The following CERK variants were observed in gnomAD, a reference collection of about 807,000 sequenced individuals.
CERK encodes ceramide kinase.
A neutral mutation model predicts 63.4 loss-of-function variants in CERK; 39 were observed. The ratio of observed to expected loss-of-function variants is 0.61; its 90% CI spans 0.48 to 0.80. CERK has a LOEUF of 0.80. Among genes scored for constraint, CERK ranks in the 30% least tolerant of loss-of-function variants. CERK has a pLI of 0.00. For missense variants in CERK, 670 were observed against 714.1 expected (o/e 0.94, Z 0.70); for synonymous variants, 302 against 280.0 (o/e 1.08, Z -0.78).
At chr22:46,698,244 G>C (rs892041108) in intron 8 of CERK, among the ~76,000 whole-genome samples, 13 of 152,256 alleles carry the variant, frequency 8.5e-5, no homozygotes, top group Non-Finnish European at 1.3e-4. Context: ...GAGAATGAAA[G>C]CTTTTGGGCT....
intron 6 of CERK, 118 bp downstream of exon 6, chr22:46,707,725 T>G (rs2082819967): frequency 8.5e-7 from 1 of 1,174,904 alleles, no homozygotes; most frequent in Non-Finnish European, 1.2e-6. Flanking sequence ...TGTTAGGAAA[T>G]CTGTACGAAC....
chr22:46,699,180 G>T, intron 8 of CERK, 133 bp downstream of exon 8: 1 of 905,904 alleles, frequency 1.1e-6, no homozygotes, highest in Non-Finnish European at 1.8e-6. Flanking sequence ...CATTTCATGA[G>T]GCCCTTAGCT....
intron 8 of CERK, among the ~76,000 whole-genome samples, chr22:46,698,300 G>T (rs1208670798): frequency 1.3e-5 from 2 of 152,254 alleles, no homozygotes; most frequent in Non-Finnish European, 2.9e-5. Flanking sequence ...CCTCCTCTGT[G>T]CCCACTGCGG....
At chr22:46,715,803 T>C (rs1002851217) in intron 3 of CERK, among the ~76,000 whole-genome samples, 2 of 152,112 alleles carry the variant, frequency 1.3e-5, no homozygotes, top group Non-Finnish European at 2.9e-5. Context: ...CGGAAAACAA[T>C]AGAGCTTGGA....
intron 7 of CERK, among the ~76,000 whole-genome samples, chr22:46,701,396 G>A (rs148838161): frequency 3.9e-4 from 59 of 152,402 alleles, no homozygotes; most frequent in African/African-American, 1.2e-3. Flanking sequence ...GGTGGATTCC[G>A]TGGGAAAGAA....
At chr22:46,725,587 G>A (rs549921575) in intron 1 of CERK, among the ~76,000 whole-genome samples, 35 of 152,352 alleles carry the variant, frequency 2.3e-4, no homozygotes, top group Middle Eastern at 3.4e-3. Context: ...GCGGAAGGTG[G>A]GAATTGGGGG....
chr22:46,693,751 G>A, intron 9 of CERK: 1 of 438,066 alleles, frequency 2.3e-6, no homozygotes, highest in South Asian at 2.2e-5. Context: ...AGGACGCTGA[G>A]GTGCCACCTG....
At chr22:46,694,240 G>A (rs2082745224) in intron 9 of CERK, among the ~76,000 whole-genome samples, 2 of 152,220 alleles carry the variant, frequency 1.3e-5, no homozygotes, top group South Asian at 2.1e-4. Context: ...CCCAGGCAGA[G>A]CAGAGACAGG....
chr22:46,712,326 AATAACAAAATCAAAACGAAG>A (rs1484508550), intron 3 of CERK, 33 bp from the exon 4 acceptor site: 1 of 1,606,436 alleles, frequency 6.2e-7, no homozygotes, highest in Non-Finnish European at 8.5e-7. Context: ...TAACAACGAA[AATAACAAAATCAAAACGAAG>A]AGCTCTGTTA....
At position 46,714,590 on chromosome 22, in the gene CERK, G is replaced by A. The variant is rs2082858048; in HGVS notation, c.380-2297C>T. Among the ~76,000 whole-genome samples the A allele has an allele frequency of 6.6e-6, 1 of 152,294 alleles. No individual in the cohort carries two copies. The highest frequency in any genetic ancestry group is 1.5e-5 in the Non-Finnish European group (1 of 68,026). ...AAGAAATAGAAAATCTGAATAGTCT[G>A]ACAGCTAATAAAGACACCAAAGCTA... On this transcript the variant is annotated intron_variant, in intron 3 of 12. Transcript: ENST00000216264. This position sits in a 1 kb window ranked among gnomAD's most constrained non-coding sequence, Gnocchi z 4.4.
chr22:46,717,238 A>G (rs1185021473), intron 3 of CERK, among the ~76,000 whole-genome samples: 2 of 152,208 alleles, frequency 1.3e-5, no homozygotes, highest in Admixed American at 1.3e-4. Flanking sequence ...TGAAGTCAAC[A>G]CATGCAACAA....
chr22:46,702,523 C>T (rs2146556832), intron 6 of CERK, among the ~76,000 whole-genome samples: 1 of 152,268 alleles, frequency 6.6e-6, no homozygotes, highest in African/African-American at 2.4e-5. Context: ...TAACTGTTGA[C>T]CTCGTGATCC....
In CERK at chr22:46,711,118, A is replaced by G. The variant is rs1444360890; in HGVS notation, c.537T>C (p.Thr179=). 42 of 1,613,788 alleles carry G rather than the reference A, an allele frequency of 2.6e-5. No individual in the cohort carries two copies. The highest frequency in any genetic ancestry group is 3.5e-5 in the Non-Finnish European group (41 of 1,179,790). Reference sequence around the variant, plus strand: ...ATTTGTCTATGTTAATCTCATACAGAGTCTCCTTGGCCTGATTAGCATGTT... The same window carrying G: ...ATTTGTCTATGTTAATCTCATACAGGGTCTCCTTGGCCTGATTAGCATGTT... The part of the protein sequence containing the change: ...VTEHANQAKE[T]LYEINIDKYD... Residue 179 remains threonine, a synonymous_variant, in exon 5 of 13, where the codon ACT becomes ACC. Transcript: ENST00000216264.
rs117570151 is a variant in CERK at position 46,695,105 on chromosome 22, G to A, written c.1049+105C>T. ...TCGTGTGTCTGGGCACGCTACATCC[G>A]GCACCTTCCACCACATTTGGAAAAT... is the stretch of plus-strand genomic sequence containing the variant. On this transcript the variant is annotated intron_variant, in intron 9 of 12. Transcript: ENST00000216264. 506 of 672,326 alleles carry A rather than the reference G, an allele frequency of 7.5e-4. 3 individuals are homozygous for A. In the East Asian group the frequency reaches 0.012, roughly 16 times the overall value. The allele number at this position is 672,326 out of a possible 1,614,324, so 41.6% of individuals were successfully genotyped here.
At chr22:46,709,575 AGAGTGCTGGGACCTG>A (rs1257141381) in intron 5 of CERK, among the ~76,000 whole-genome samples, 1 of 152,232 alleles carries the variant, frequency 6.6e-6, no homozygotes, top group Non-Finnish European at 1.5e-5. Context: ...TAGCACCAGC[AGAGTGCTGGGACCTG>A]GAGGACCCTC....
chr22:46,720,279 C>A (rs2082885807), intron 2 of CERK, 71 bp from the exon 3 acceptor site: 3 of 1,540,636 alleles, frequency 1.9e-6, no homozygotes, highest in Non-Finnish European at 8.8e-7. Flanking sequence ...AGTGAATATG[C>A]ACCAAATGCA....
intron 3 of CERK, among the ~76,000 whole-genome samples, chr22:46,713,195 C>A (rs2082850175): frequency 6.6e-6 from 1 of 152,050 alleles, no homozygotes; most frequent in Non-Finnish European, 1.5e-5. Context: ...AACTGAAAAC[C>A]TAAGTCCATA....
Position 46,699,414 on chromosome 22 carries a change from A to C in CERK, c.842T>G (p.Leu281Arg). The C allele has an allele frequency of 6.2e-7, 1 of 1,614,178 alleles. No individual in the cohort carries two copies. Among genetic ancestry groups the C allele is most frequent in the South Asian group, 1.1e-5 (1 of 91,082 alleles). Residue 281 changes from leucine to arginine, a missense_variant, in exon 8 of 13, where the codon CTT becomes CGT. Transcript: ENST00000216264. ...VSSVHHNSTL[L>R]RYSVSLLGYG... ...GCCCAGCAGGGACACGGAGTAGCGAAGGAGTGTGCTGTTGTGGTGGACTGA... is the reference window on the plus strand; with the variant it reads ...GCCCAGCAGGGACACGGAGTAGCGACGGAGTGTGCTGTTGTGGTGGACTGA...
intron 3 of CERK, 136 bp downstream of exon 3, chr22:46,719,950 A>T: frequency 8.4e-7 from 1 of 1,189,410 alleles, no homozygotes; most frequent in Non-Finnish European, 1.2e-6. Context: ...TGAGAAATTA[A>T]GTCAGCCTGA....
Sources: allele counts gnomAD v4.1 joint callset (sites outside exome capture counted in the v4.1 genomes callset), GRCh38; gene constraint gnomAD v4.1.1; non-coding constraint Gnocchi (gnomAD v3.1); transcripts MANE v1.5; gene names NCBI Gene and HGNC (gene_info 2026-07-23, HGNC 2026-07-21).